SPATS2: variants seen among roughly 807,000 people sequenced by gnomAD.
SPATS2 encodes spermatogenesis-associated serine-rich protein 2.
A neutral mutation model predicts 63.7 loss-of-function variants in SPATS2; 38 were observed. The ratio of observed to expected loss-of-function variants is 0.60; its 90% CI spans 0.46 to 0.78. SPATS2 has a LOEUF of 0.78. Ranked by LOEUF, SPATS2 falls within the 30% of genes least tolerant of loss-of-function variation. The pLI is 0.00. For synonymous variants in SPATS2, 207 were observed against 232.9 expected (o/e 0.89, Z 1.01); for missense variants, 588 against 666.2 (o/e 0.88, Z 1.29).
chr12:49,513,992 TA>T (rs918680498), intron 9 of SPATS2, among the ~76,000 whole-genome samples: 9 of 151,812 alleles, frequency 5.9e-5, no homozygotes, highest in African/African-American at 2.2e-4. Context: ...CCATCTCTAC[TA>T]AAAATACAAA....
intron 2 of SPATS2, among the ~76,000 whole-genome samples, chr12:49,408,252 C>CTT (rs201465422): frequency 0.073 from 10,010 of 137,034 alleles, 432 homozygotes; most frequent in African/African-American, 0.086. Context: ...TAGTATTCTT[C>CTT]TTTTTTTTTT....
chr12:49,399,604 T>G (rs558968074), intron 2 of SPATS2, among the ~76,000 whole-genome samples: 1 of 152,320 alleles, frequency 6.6e-6, no homozygotes, highest in East Asian at 1.9e-4. Context: ...GAATTCACAC[T>G]CCCTATGTGG....
At chr12:49,374,424 C>T (rs112892415) in intron 2 of SPATS2, among the ~76,000 whole-genome samples, 2,301 of 152,228 alleles carry the variant, frequency 0.015, 58 homozygotes, top group African/African-American at 0.052. Flanking sequence ...GCCACAGTGC[C>T]CAGCTCACTT....
intron 4 of SPATS2, among the ~76,000 whole-genome samples, chr12:49,487,865 G>A: frequency 6.6e-6 from 1 of 152,050 alleles, no homozygotes; most frequent in Non-Finnish European, 1.5e-5. Context: ...AAAAGTGCTG[G>A]CATTACTGGG....
At position 49,395,827 on chromosome 12, in the gene SPATS2, G is replaced by A. The variant is rs144288483; in HGVS notation, c.-244+24537G>A. The stretch of plus-strand genomic sequence containing the variant: ...TACAATACTGTAATATTAACTATAG[G>A]GACAGTGTTTTACAGCAGACCTGTA... On this transcript the variant is annotated intron_variant, in intron 2 of 13. Coordinates refer to ENST00000552918, the MANE Select transcript of SPATS2 (RefSeq NM_023071.4). Among the ~76,000 whole-genome samples the A allele has an allele frequency of 6.9e-3, 1,045 of 152,238 alleles. 22 individuals carry two copies. Among genetic ancestry groups the A allele is most frequent in the Non-Finnish European group, 5.7e-3 (388 of 68,014 alleles).
intron 2 of SPATS2, among the ~76,000 whole-genome samples, chr12:49,393,314 C>T (rs940282448): frequency 1.3e-5 from 2 of 152,050 alleles, no homozygotes; most frequent in Non-Finnish European, 2.9e-5. Context: ...AAAAGTTCTC[C>T]ATCAGCCTTT....
In SPATS2 at chr12:49,367,507, T is replaced by C. The variant is rs947177704; in HGVS notation, c.-387T>C. Reference sequence around the variant, plus strand: ...TAGAAGGGGAGGTGGAGGATCTCCTTTCCTCTTCTCAGACCCGGGAGCGTC... The same window carrying C: ...TAGAAGGGGAGGTGGAGGATCTCCTCTCCTCTTCTCAGACCCGGGAGCGTC... On this transcript the variant is annotated 5_prime_UTR_variant, in exon 1 of 14. Transcript: ENST00000552918. 7.5e-6 allele frequency: 3 copies of C among 398,302 alleles called. No homozygotes were observed. The highest frequency in any genetic ancestry group is 4.1e-5 in the African/African-American group (2 of 48,352). The allele number at this position is 398,302 out of a possible 1,614,324, so 24.7% of individuals were successfully genotyped here. A position where few individuals can be genotyped will look rare whatever the true frequency, so the allele number is the denominator to read the frequency against.
intron 2 of SPATS2, among the ~76,000 whole-genome samples, chr12:49,423,816 CAG>C (rs1269306197): frequency 6.6e-6 from 1 of 152,082 alleles, no homozygotes; most frequent in Non-Finnish European, 1.5e-5. Flanking sequence ...TGATTTATAT[CAG>C]AGTCAGGGAA....
chr12:49,466,220 G>A (rs1239499930), intron 3 of SPATS2, among the ~76,000 whole-genome samples: 5 of 151,916 alleles, frequency 3.3e-5, no homozygotes, highest in Non-Finnish European at 7.4e-5. Flanking sequence ...CTGGAGTACA[G>A]TGGAGCAATC....
chr12:49,493,397 C>CT (rs577929812), intron 6 of SPATS2, among the ~76,000 whole-genome samples: 21,659 of 139,086 alleles, frequency 0.16, 1,734 homozygotes, highest in Non-Finnish European at 0.17. Context: ...ACTGAAACAT[C>CT]TTTTTTTTTT....
chr12:49,453,015 C>T (rs1323657497), intron 2 of SPATS2, among the ~76,000 whole-genome samples: 2 of 151,932 alleles, frequency 1.3e-5, no homozygotes, highest in Non-Finnish European at 2.9e-5. Context: ...AAAAATTAGC[C>T]GGACGTGATG....
intron 2 of SPATS2, among the ~76,000 whole-genome samples, chr12:49,403,644 C>CAA (rs1555180286): frequency 1.4e-5 from 2 of 144,238 alleles, no homozygotes; most frequent in African/African-American, 5.2e-5. Flanking sequence ...CACACACAAA[C>CAA]AAAACTGGAA....
At chr12:49,519,008 A>G (rs896463108) in intron 10 of SPATS2, 65 bp from the exon 11 acceptor site, 14 of 1,335,624 alleles carry the variant, frequency 1.0e-5, no homozygotes, top group Non-Finnish European at 1.5e-5. Context: ...CAAGGCTTAT[A>G]TTTCTAGTTC....
chr12:49,443,807 T>A (rs1945465371), intron 2 of SPATS2, among the ~76,000 whole-genome samples: 1 of 152,202 alleles, frequency 6.6e-6, no homozygotes, highest in Admixed American at 6.6e-5. Context: ...ATATGAAGGT[T>A]TATTTTTGGA....
chr12:49,374,754 AG>A (rs1210122600), intron 2 of SPATS2, among the ~76,000 whole-genome samples: 1 of 152,094 alleles, frequency 6.6e-6, no homozygotes, highest in Non-Finnish European at 1.5e-5. Context: ...TGAGGTCAGG[AG>A]TTCAAGAGCG....
intron 2 of SPATS2, among the ~76,000 whole-genome samples, chr12:49,384,867 T>TGGCGCGACCTTGGCTC (rs1188989169): frequency 6.6e-6 from 1 of 151,998 alleles, no homozygotes; most frequent in Non-Finnish European, 1.5e-5. Context: ...TGGAGTGCAA[T>TGGCGCGACCTTGGCTC]GGCGCGACCT....
chr12:49,462,372 C>A (rs1337640176), intron 3 of SPATS2: 2 of 702,202 alleles, frequency 2.8e-6, no homozygotes, highest in East Asian at 5.4e-5. Context: ...CTGTGTGGGC[C>A]CCGTGGCAGC....
chr12:49,430,100 T>G (rs1353970739), intron 2 of SPATS2, among the ~76,000 whole-genome samples: 3 of 69,610 alleles, frequency 4.3e-5, no homozygotes, highest in African/African-American at 2.0e-4. Context: ...ATATTTCTTG[T>G]TTTTTTTTTT....
At chr12:49,474,252 C>G (rs942996749) in intron 3 of SPATS2, among the ~76,000 whole-genome samples, 1 of 152,142 alleles carries the variant, frequency 6.6e-6, no homozygotes, top group Non-Finnish European at 1.5e-5. Context: ...ATAATTTTAA[C>G]AATTAGTTGG....
Sources: gnomAD v4.1 joint callset for allele counts (sites outside exome capture counted in the v4.1 genomes callset) on GRCh38, gnomAD v4.1.1 for gene constraint, MANE v1.5 for transcripts, NCBI Gene and HGNC (gene_info 2026-07-23, HGNC 2026-07-21) for gene names.